The following ERI1 variants were observed in gnomAD, a reference collection of about 807,000 sequenced individuals.
ERI1 encodes 3'-5' exoribonuclease 1.
ERI1 carries 39 observed loss-of-function variants against 39.7 expected under a neutral mutation model. The observed-to-expected ratio is 0.98, with a 90% CI of 0.76 to 1.28. The LOEUF (loss-of-function observed/expected upper bound fraction) is 1.28, where lower values mean the gene tolerates loss of function less well. ERI1 is among the 50% of genes most tolerant of loss of function. ERI1 has a pLI of 0.00. For missense variants in ERI1, 581 were observed against 416.9 expected (o/e 1.39, Z -3.43); for synonymous variants, 204 against 149.6 (o/e 1.36, Z -2.65).
At chr8:9,073,014 C>T (rs1330803206) in intron 3 of ERI1, among the ~76,000 whole-genome samples, 1 of 152,234 alleles carries the variant, frequency 6.6e-6, no homozygotes, top group African/African-American at 2.4e-5. Flanking sequence ...CTTTAATTTA[C>T]ACCCCTCTTC....
rs749856556 is a variant in ERI1, at chr8:9,020,340, T to A, written c.693-10T>A. The A allele has an allele frequency of 4.0e-6, 6 of 1,503,638 alleles. No individual in the cohort carries two copies. The highest frequency in any genetic ancestry group is 2.4e-5 in the East Asian group (1 of 41,960). 93.1% of individuals were successfully genotyped at this position (1,503,638 alleles called of 1,614,324 possible). ...ATTTCATCAATTTTTTGTCCTTTTT[T>A]AATTTATAGTTCTTGGGATATGAGT... On this transcript the variant is annotated splice_polypyrimidine_tract_variant and intron_variant, in intron 5 of 6. Coordinates refer to ENST00000250263, the MANE Select transcript of ERI1 (RefSeq NM_153332.4).
intron 3 of ERI1, among the ~76,000 whole-genome samples, chr8:9,014,241 C>T (rs950826373): frequency 3.3e-5 from 5 of 152,202 alleles, no homozygotes; most frequent in Non-Finnish European, 5.9e-5. Context: ...CATTACTTGC[C>T]AGGACTTTAG....
chr8:9,045,203 T>C lies in ERI1; in HGVS notation n.299+24739T>C, dbSNP rs1798138278. On this transcript the variant is annotated intron_variant and non_coding_transcript_variant, in intron 3 of 3. Coordinates refer to the ERI1 transcript ENST00000518663. ...GTGAGCAGAGATCGCGCCACTGCAC[T>C]CCAGCCTGGACGACAGAGTGAGACT... Among the ~76,000 whole-genome samples the C allele has an allele frequency of 2.3e-5, 3 of 128,740 alleles. No homozygotes were observed. The South Asian group carries it at 7.5e-4, about 32-fold the overall frequency. 84.5% of individuals were successfully genotyped at this position (128,740 alleles called of 152,430 possible).
intron 3 of ERI1, among the ~76,000 whole-genome samples, chr8:9,082,754 C>A (rs1168050649): frequency 6.6e-6 from 1 of 152,130 alleles, no homozygotes; most frequent in Non-Finnish European, 1.5e-5. Flanking sequence ...TTGAACCTAT[C>A]TAACGTCTAG....
At chr8:9,086,973 T>A (rs911684879) in intron 3 of ERI1, among the ~76,000 whole-genome samples, 2 of 152,204 alleles carry the variant, frequency 1.3e-5, no homozygotes, top group Admixed American at 1.3e-4. Flanking sequence ...TAGTTAGTGC[T>A]GGGCGGTAGG....
At chr8:9,026,679 T>C (rs1204725325) in intron 6 of ERI1, among the ~76,000 whole-genome samples, 1 of 152,188 alleles carries the variant, frequency 6.6e-6, no homozygotes, top group Non-Finnish European at 1.5e-5. Context: ...GGCACTGACA[T>C]TGTACTCAAA....
intron 3 of ERI1, among the ~76,000 whole-genome samples, chr8:9,094,378 A>G (rs1266036791): frequency 6.6e-6 from 1 of 152,188 alleles, no homozygotes; most frequent in East Asian, 1.9e-4. Flanking sequence ...AAGCATTGAT[A>G]TTTGCCTCGC....
chr8:9,092,260 G>A (rs1362542340), intron 3 of ERI1, among the ~76,000 whole-genome samples: 1 of 152,160 alleles, frequency 6.6e-6, no homozygotes, highest in Non-Finnish European at 1.5e-5. Flanking sequence ...CCCCGCCTGT[G>A]TATGTGTTTC....
intron 3 of ERI1, among the ~76,000 whole-genome samples, chr8:9,041,828 G>T (rs1325545139): frequency 6.6e-6 from 1 of 152,128 alleles, no homozygotes; most frequent in African/African-American, 2.4e-5. Flanking sequence ...TCTGCCTCCC[G>T]GGTTCAGGCG....
intron 3 of ERI1, chr8:9,091,216 C>G (rs1024937284): frequency 2.0e-5 from 3 of 152,136 alleles, no homozygotes; most frequent in Non-Finnish European, 2.9e-5. Context: ...AGTTAGAAAA[C>G]AACACCACAA....
At chr8:9,071,077 C>T (rs1178527304) in intron 3 of ERI1, among the ~76,000 whole-genome samples, 2 of 152,176 alleles carry the variant, frequency 1.3e-5, no homozygotes, top group Non-Finnish European at 2.9e-5. Flanking sequence ...AGCAACATAT[C>T]TTTCTTGGCC....
In ERI1 at chr8:9,016,143, A is replaced by T. The variant is rs141044702; in HGVS notation, c.499-179A>T. 7.4e-3 allele frequency among the ~76,000 whole-genome samples: 1,120 copies of T among 152,282 alleles called. 14 individuals are homozygous for T. The highest frequency in any genetic ancestry group is 0.026 in the African/African-American group (1,077 of 41,558). ...AATATTTTAAATTATGAATCAATTC[A>T]TTTTTTAATTTAAAAATTAAGAGTG... On this transcript the variant is annotated intron_variant, in intron 3 of 6. Coordinates refer to ENST00000250263, the MANE Select transcript of ERI1 (RefSeq NM_153332.4).
chr8:9,026,148 C>G (rs1395113655), intron 6 of ERI1, among the ~76,000 whole-genome samples: 1 of 152,178 alleles, frequency 6.6e-6, no homozygotes, highest in Non-Finnish European at 1.5e-5. Context: ...TAATCTTCCA[C>G]TTGTGACGTT....
intron 3 of ERI1, among the ~76,000 whole-genome samples, chr8:9,091,018 G>T (rs1032364290): frequency 6.6e-6 from 1 of 152,142 alleles, no homozygotes; most frequent in Non-Finnish European, 1.5e-5. Flanking sequence ...GGACACCAAT[G>T]ATCTTCTGAA....
At chr8:9,071,837 G>A (rs115755181) in intron 3 of ERI1, among the ~76,000 whole-genome samples, 3,735 of 152,316 alleles carry the variant, frequency 0.025, 159 homozygotes, top group African/African-American at 0.083. Flanking sequence ...AGACCAAGGT[G>A]GGAGGACTGC....
At chr8:9,093,246 T>C (rs1799764914) in intron 3 of ERI1, among the ~76,000 whole-genome samples, 1 of 152,194 alleles carries the variant, frequency 6.6e-6, no homozygotes, top group Non-Finnish European at 1.5e-5. Flanking sequence ...TAATGAAAGC[T>C]GATTAGCTTT....
chr8:9,038,257 A>G (rs997147256), downstream of ERI1, among the ~76,000 whole-genome samples: 11 of 152,322 alleles, frequency 7.2e-5, no homozygotes, highest in African/African-American at 2.4e-4. Context: ...ATTCTAATGT[A>G]ATACAGTAGT....
At chr8:9,014,720 A>C (rs900627310) in intron 3 of ERI1, among the ~76,000 whole-genome samples, 1 of 152,248 alleles carries the variant, frequency 6.6e-6, no homozygotes, top group Non-Finnish European at 1.5e-5. Context: ...GAATGATAAA[A>C]TAGTGATACT....
At chr8:9,078,182 G>C (rs1042100162) in intron 3 of ERI1, among the ~76,000 whole-genome samples, 1 of 152,050 alleles carries the variant, frequency 6.6e-6, no homozygotes, top group African/African-American at 2.4e-5. Context: ...TAGAGACAAG[G>C]TTTCACCATG....
Sources: gnomAD v4.1 joint callset for allele counts (sites outside exome capture counted in the v4.1 genomes callset) on GRCh38, gnomAD v4.1.1 for gene constraint, MANE v1.5 for transcripts, NCBI Gene and HGNC (gene_info 2026-07-23, HGNC 2026-07-21) for gene names.